The following TIAM1 variants were observed in gnomAD, a reference collection of about 807,000 sequenced individuals.
TIAM1 encodes TIAM Rac1 associated GEF 1, also known as rho guanine nucleotide exchange factor TIAM1.
A neutral mutation model predicts 163.5 loss-of-function variants in TIAM1; 65 were observed. The observed-to-expected ratio is 0.40, with a 90% CI of 0.33 to 0.49. TIAM1 has a LOEUF of 0.49. Among genes scored for constraint, TIAM1 ranks in the 20% least tolerant of loss-of-function variants. The pLI, the probability that TIAM1 is intolerant of heterozygous loss-of-function variation, is 0.77. For missense variants in TIAM1, 1,789 were observed against 2,044.7 expected (o/e 0.87, Z 2.41); for synonymous variants, 833 against 810.1 (o/e 1.03, Z -0.48).
At chr21:31,220,687 A>G (rs1220349639) in intron 8 of TIAM1, among the ~76,000 whole-genome samples, 3 of 152,188 alleles carry the variant, frequency 2.0e-5, no homozygotes, top group Admixed American at 6.5e-5. Flanking sequence ...GGCCTTGTAA[A>G]CTGCAAAAGT....
chr21:31,118,839 T>C lies in TIAM1; in HGVS notation c.*1529A>G. The C allele has an allele frequency of 5.7e-6, 2 of 350,338 alleles. No individual in the cohort carries two copies. The highest frequency in any genetic ancestry group is 4.5e-5 in the South Asian group (2 of 44,632). The allele number at this position is 350,338 out of a possible 1,614,324, so 21.7% of individuals were successfully genotyped here. On this transcript the variant is annotated 3_prime_UTR_variant, in exon 28 of 28. Transcript: ENST00000541036. ...CTGGAAACCCGAAAGGCGGGGGGAA[T>C]ACAGGGTGGGAACGCAGGAAAAGCA...
intron 6 of TIAM1, among the ~76,000 whole-genome samples, chr21:31,236,436 C>T (rs180908412): frequency 2.0e-4 from 31 of 152,122 alleles, no homozygotes; most frequent in Admixed American, 1.0e-3. Context: ...TAAGTCAACA[C>T]GGAAACCAAC....
At chr21:31,394,037 C>T (rs1182978145) in intron 2 of TIAM1, among the ~76,000 whole-genome samples, 1 of 151,910 alleles carries the variant, frequency 6.6e-6, no homozygotes, top group Admixed American at 6.6e-5. Flanking sequence ...TCTGTGCATA[C>T]AAAAACCCGC....
chr21:31,247,912 G>C (rs987497161), intron 5 of TIAM1, among the ~76,000 whole-genome samples: 1 of 152,128 alleles, frequency 6.6e-6, no homozygotes, highest in Non-Finnish European at 1.5e-5. Flanking sequence ...TAACAAAAAT[G>C]GGAGGGGGAA....
intron 6 of TIAM1, among the ~76,000 whole-genome samples, chr21:31,233,361 A>G (rs1250550468): frequency 6.6e-6 from 1 of 152,212 alleles, no homozygotes; most frequent in Non-Finnish European, 1.5e-5. Context: ...TTCTATACTC[A>G]TCATATTTTG....
chr21:31,552,806 T>A (rs1337155036), intron 1 of TIAM1, among the ~76,000 whole-genome samples: 3 of 152,082 alleles, frequency 2.0e-5, no homozygotes, highest in African/African-American at 7.2e-5. Flanking sequence ...AGAAACCTGT[T>A]GAAAGTCCCT....
chr21:31,443,330 G>C (rs1038318031), intron 2 of TIAM1, among the ~76,000 whole-genome samples: 4 of 152,182 alleles, frequency 2.6e-5, no homozygotes, highest in African/African-American at 9.6e-5. Flanking sequence ...AAGTAGGGGA[G>C]GCAACATCTT....
intron 1 of TIAM1, among the ~76,000 whole-genome samples, chr21:31,524,802 C>G (rs2147503566): frequency 6.6e-6 from 1 of 152,290 alleles, no homozygotes; most frequent in Non-Finnish European, 1.5e-5. Context: ...CCATTCCAAA[C>G]TTCTATCATG....
intron 12 of TIAM1, among the ~76,000 whole-genome samples, chr21:31,199,624 G>A (rs918985693): frequency 1.3e-5 from 2 of 150,866 alleles, no homozygotes; most frequent in African/African-American, 4.9e-5. Flanking sequence ...TCCGCCTCCC[G>A]GGTTCAAGCA....
At chr21:31,517,191 C>G (rs1421418254) in intron 1 of TIAM1, among the ~76,000 whole-genome samples, 1 of 152,132 alleles carries the variant, frequency 6.6e-6, no homozygotes, top group Non-Finnish European at 1.5e-5. Flanking sequence ...AGGCAGACCA[C>G]ACAAGTGTTC....
chr21:31,397,866 C>A (rs1022272569), intron 2 of TIAM1, among the ~76,000 whole-genome samples: 4 of 152,224 alleles, frequency 2.6e-5, no homozygotes, highest in African/African-American at 9.6e-5. Context: ...AGGTCTCACA[C>A]TAACCATTTA....
chr21:31,228,867 C>T (rs1238749012), intron 6 of TIAM1, among the ~76,000 whole-genome samples: 1 of 152,162 alleles, frequency 6.6e-6, no homozygotes, highest in Non-Finnish European at 1.5e-5. Context: ...GAAGCAAACA[C>T]GTCCTTCTTC....
intron 2 of TIAM1, among the ~76,000 whole-genome samples, chr21:31,286,220 G>A (rs557892804): frequency 2.0e-4 from 30 of 152,186 alleles, no homozygotes; most frequent in East Asian, 7.7e-4. Context: ...AATAAACATC[G>A]CAGTGCAGCA....
At chr21:31,178,828 C>A (rs1280958042) in intron 15 of TIAM1, among the ~76,000 whole-genome samples, 1 of 151,532 alleles carries the variant, frequency 6.6e-6, no homozygotes, top group African/African-American at 2.4e-5. Flanking sequence ...CTTGGCTCAC[C>A]GCAACCTCTG....
chr21:31,334,544 C>A (rs549845031), intron 2 of TIAM1, among the ~76,000 whole-genome samples: 1 of 152,314 alleles, frequency 6.6e-6, no homozygotes, highest in Admixed American at 6.5e-5. Context: ...ACTGCGCTAT[C>A]TTGACTCTCC....
At chr21:31,435,564 G>A (rs528183833) in intron 2 of TIAM1, among the ~76,000 whole-genome samples, 1 of 152,136 alleles carries the variant, frequency 6.6e-6, no homozygotes, top group Non-Finnish European at 1.5e-5. Context: ...TAGATTATGG[G>A]ATGAAACTAA....
At chr21:31,466,983 A>C (rs1445037078) in intron 1 of TIAM1, among the ~76,000 whole-genome samples, 2 of 152,094 alleles carry the variant, frequency 1.3e-5, no homozygotes, top group African/African-American at 2.4e-5. Flanking sequence ...AAAAAAAAAA[A>C]AAAACTGAAA....
chr21:31,124,389 G>A, intron 27 of TIAM1, 133 bp downstream of exon 27: 1 of 1,333,526 alleles, frequency 7.5e-7, no homozygotes, highest in Non-Finnish European at 9.8e-7. Context: ...TCACACCAGG[G>A]AAAAACCGTC....
chr21:31,558,118 G>A lies in TIAM1; in HGVS notation c.-422+809C>T, dbSNP rs531069439. On this transcript the variant is annotated intron_variant, in intron 1 of 28. Coordinates refer to the TIAM1 transcript ENST00000286827. ...GCACGGCGCGCTGCTCTCGCCCAAT[G>A]GCGAGGTCTGTAAACAAAAGCGGGC... Among the ~76,000 whole-genome samples, 6 of 152,288 alleles carry A rather than the reference G, an allele frequency of 3.9e-5. No individual in the cohort carries two copies. In the South Asian group the frequency reaches 1.2e-3, roughly 32 times the overall value.
Sources: gnomAD v4.1 joint callset for allele counts (sites outside exome capture counted in the v4.1 genomes callset) on GRCh38, gnomAD v4.1.1 for gene constraint, MANE v1.5 for transcripts, NCBI Gene and HGNC (gene_info 2026-07-23, HGNC 2026-07-21) for gene names.